SPON1: variants seen among roughly 807,000 people sequenced by gnomAD.
SPON1 encodes the protein spondin 1.
In SPON1, 52 loss-of-function variants were observed where a neutral mutation model predicts 111.7. The observed-to-expected ratio is 0.47, with a 90% CI of 0.37 to 0.59. The LOEUF is 0.59. Among genes scored for constraint, SPON1 ranks in the 20% least tolerant of loss-of-function variants. SPON1 has a pLI of 0.00. For synonymous variants in SPON1, 410 were observed against 395.8 expected, an observed-to-expected ratio of 1.04 and a Z score of -0.43; for missense variants, 957 against 1,068.5, an observed-to-expected ratio of 0.90 and a Z score of 1.46.
At chr11:14,197,308 T>G (rs1247323134) in intron 6 of SPON1, among the ~76,000 whole-genome samples, 1 of 152,010 alleles carries the variant, frequency 6.6e-6, no homozygotes, top group Non-Finnish European at 1.5e-5. Flanking sequence ...GATTCTGATC[T>G]CCCCCCTTAC....
chr11:14,166,809 T>C (rs1212761687), intron 6 of SPON1, among the ~76,000 whole-genome samples: 8 of 152,136 alleles, frequency 5.3e-5, no homozygotes, highest in African/African-American at 1.9e-4. Flanking sequence ...CCAAACAGCA[T>C]TTACTCTTCT....
At chr11:14,066,702 C>G (rs1376910628) in intron 3 of SPON1, among the ~76,000 whole-genome samples, 2 of 152,268 alleles carry the variant, frequency 1.3e-5, no homozygotes, top group South Asian at 4.1e-4. Context: ...CTCACAACCC[C>G]CACCCCACCT....
intron 3 of SPON1, among the ~76,000 whole-genome samples, chr11:14,062,027 C>G (rs1248250272): frequency 6.6e-6 from 1 of 152,192 alleles, no homozygotes; most frequent in Non-Finnish European, 1.5e-5. Flanking sequence ...TACATCGTCA[C>G]ATCAGCCTTG....
chr11:14,124,181 C>A (rs1215410652), intron 5 of SPON1, among the ~76,000 whole-genome samples: 1 of 152,150 alleles, frequency 6.6e-6, no homozygotes, highest in African/African-American at 2.4e-5. Flanking sequence ...TTTATACACA[C>A]ACACTCACAC....
chr11:14,219,448 A>G (rs950241061), intron 6 of SPON1, among the ~76,000 whole-genome samples: 12 of 152,310 alleles, frequency 7.9e-5, no homozygotes, highest in African/African-American at 2.9e-4. Flanking sequence ...GTTGAGGGGA[A>G]AAATCGATGC....
At chr11:13,983,526 A>G (rs1245104534) in intron 2 of SPON1, among the ~76,000 whole-genome samples, 1 of 152,208 alleles carries the variant, frequency 6.6e-6, no homozygotes, top group Non-Finnish European at 1.5e-5. Context: ...TTGACTTTGC[A>G]TGAAAGGGCA....
chr11:14,108,330 T>A (rs1306186998), intron 5 of SPON1, among the ~76,000 whole-genome samples: 2 of 152,096 alleles, frequency 1.3e-5, no homozygotes, highest in Non-Finnish European at 2.9e-5. Context: ...CTTGTCCTGC[T>A]ACCCACCCAA....
At chr11:14,111,519 C>T (rs1036807867) in intron 5 of SPON1, among the ~76,000 whole-genome samples, 3 of 152,192 alleles carry the variant, frequency 2.0e-5, no homozygotes, top group African/African-American at 7.2e-5. Context: ...TATGTACGTA[C>T]TAACAATCTA....
At chr11:14,016,872 C>T (rs1554914349) in intron 2 of SPON1, among the ~76,000 whole-genome samples, 1 of 152,186 alleles carries the variant, frequency 6.6e-6, no homozygotes, top group African/African-American at 2.4e-5. Flanking sequence ...GTGCTGGGCA[C>T]TGCATGTGGC....
Position 14,256,506 on chromosome 11 carries a change from C to T in SPON1, c.1234-111C>T, listed in dbSNP as rs372539045. The T allele has an allele frequency of 8.8e-4, 603 of 689,018 alleles. 11 individuals are homozygous for T. In the South Asian group the frequency reaches 0.012, roughly 14 times the overall value. The allele number at this position is 689,018 out of a possible 1,614,324, so 42.7% of individuals were successfully genotyped here. A position where few individuals can be genotyped will look rare whatever the true frequency, so the allele number is the denominator to read the frequency against. ...ATGTTGGTCCAGAACTTTGCCATGGCATACGATTTGTATACAGAATGGCGA... is the reference window on the plus strand; with the variant it reads ...ATGTTGGTCCAGAACTTTGCCATGGTATACGATTTGTATACAGAATGGCGA... On this transcript the variant is annotated intron_variant, in intron 9 of 15. Transcript: ENST00000576479.
intron 1 of SPON1, among the ~76,000 whole-genome samples, chr11:13,969,091 C>A (rs1848042269): frequency 6.6e-6 from 1 of 151,612 alleles, no homozygotes; most frequent in Non-Finnish European, 1.5e-5. Flanking sequence ...TAAGAATCAG[C>A]AGAGGAAGCC....
At chr11:14,172,529 G>C (rs1554932613) in intron 6 of SPON1, among the ~76,000 whole-genome samples, 1 of 151,918 alleles carries the variant, frequency 6.6e-6, no homozygotes, top group South Asian at 2.1e-4. Flanking sequence ...ATTTGATCCT[G>C]TCATTATGAT....
chr11:14,142,085 C>G (rs868956181), intron 6 of SPON1, among the ~76,000 whole-genome samples: 1 of 152,180 alleles, frequency 6.6e-6, no homozygotes, highest in Non-Finnish European at 1.5e-5. Flanking sequence ...TCTCAGTTCT[C>G]TCTTCTATGA....
chr11:14,234,629 C>T (rs1848842000), intron 6 of SPON1, among the ~76,000 whole-genome samples: 1 of 152,194 alleles, frequency 6.6e-6, no homozygotes, highest in East Asian at 1.9e-4. Flanking sequence ...CCTCAGAGCT[C>T]CCACCCACCG....
intron 2 of SPON1, among the ~76,000 whole-genome samples, chr11:13,992,826 C>A (rs576838033): frequency 6.6e-6 from 1 of 152,056 alleles, no homozygotes; most frequent in African/African-American, 2.4e-5. Context: ...TGACCCCTTG[C>A]TCTTCCTGGG....
intron 6 of SPON1, among the ~76,000 whole-genome samples, chr11:14,234,137 A>G (rs1290758393): frequency 6.6e-6 from 1 of 152,144 alleles, no homozygotes; most frequent in Non-Finnish European, 1.5e-5. Flanking sequence ...CACTACCCTT[A>G]CAGGTTGAGG....
chr11:14,131,668 C>T (rs1300194253), intron 5 of SPON1, among the ~76,000 whole-genome samples: 4 of 152,140 alleles, frequency 2.6e-5, no homozygotes, highest in African/African-American at 9.7e-5. Context: ...GGGAGATTCT[C>T]CAGCTTGGTA....
chr11:14,125,424 G>A (rs1481347037), intron 5 of SPON1, among the ~76,000 whole-genome samples: 2 of 152,164 alleles, frequency 1.3e-5, no homozygotes, highest in East Asian at 1.9e-4. Flanking sequence ...AAGGAGGAGG[G>A]GAGCCTAGAA....
At chr11:14,034,546 C>T (rs374521069) in intron 2 of SPON1, among the ~76,000 whole-genome samples, 10 of 152,326 alleles carry the variant, frequency 6.6e-5, no homozygotes, top group African/African-American at 2.4e-4. Context: ...TGTTTAATTA[C>T]CATCTGGCAA....
Sources: gnomAD v4.1 joint callset for allele counts (sites outside exome capture counted in the v4.1 genomes callset) on GRCh38, gnomAD v4.1.1 for gene constraint, MANE v1.5 for transcripts, NCBI Gene and HGNC (gene_info 2026-07-23, HGNC 2026-07-21) for gene names.